Variants in DSTYK observed in about 807,000 individuals in gnomAD.
The protein encoded by DSTYK is RIP-homologous kinase.
In DSTYK, 34 loss-of-function variants were observed where a neutral mutation model predicts 98.7. The observed-to-expected ratio is 0.34, with a 90% CI of 0.26 to 0.46. DSTYK has a LOEUF of 0.46. Ranked by LOEUF, DSTYK falls within the 20% of genes least tolerant of loss-of-function variation. The pLI is 1.00. For synonymous variants in DSTYK, 462 were observed against 457.3 expected, an observed-to-expected ratio of 1.01 and a Z score of -0.13; for missense variants, 962 against 1,181.7, an observed-to-expected ratio of 0.81 and a Z score of 2.73.
chr1:205,163,223 T>TA (rs66506761), intron 4 of DSTYK, among the ~76,000 whole-genome samples: 42 of 101,482 alleles, frequency 4.1e-4, no homozygotes, highest in Non-Finnish European at 5.8e-4. Flanking sequence ...TTTTTTATTT[T>TA]TTTTTTTATT....
chr1:205,180,901 C>G (rs1030071860), intron 2 of DSTYK, among the ~76,000 whole-genome samples: 2 of 152,112 alleles, frequency 1.3e-5, no homozygotes, highest in African/African-American at 4.8e-5. Flanking sequence ...TGGTAAAGAG[C>G]AATGTATGCA....
intron 3 of DSTYK, 124 bp from the exon 4 acceptor site, chr1:205,164,079 A>AATCATGTCTTT: frequency 2.6e-6 from 2 of 781,488 alleles, no homozygotes; most frequent in Non-Finnish European, 4.2e-6. Context: ...AAAAGACATG[A>AATCATGTCTTT]TTCGTTGATG....
Position 205,169,197 on chromosome 1 carries a change from T to C in DSTYK, c.1290A>G (p.Glu430=). 1 of 1,609,264 alleles carries C rather than the reference T, an allele frequency of 6.2e-7. No homozygotes were observed. Among genetic ancestry groups the C allele is most frequent in the East Asian group, 2.2e-5 (1 of 44,872 alleles). The change falls in exon 3 of 13, where the codon GAA becomes GAG. Residue 430 remains glutamate (E), a synonymous_variant. Transcript: ENST00000367162. The surrounding 1 kb of genome is among the most constrained non-coding windows in gnomAD (Gnocchi z 4.0). ...IVETLNTMKE[E]LLDDATNMEF... ...CCATGTTAGTAGCATCATCCAGAAG[T>C]TCCTCCTTCATGGTATTAAGTGTCT...
intron 1 of DSTYK, among the ~76,000 whole-genome samples, chr1:205,208,539 C>T (rs1459246727): frequency 6.6e-6 from 1 of 152,144 alleles, no homozygotes; most frequent in Non-Finnish European, 1.5e-5. Flanking sequence ...AGTGTTCCTT[C>T]AACACCCAAG....
chr1:205,159,377 C>T (rs1320799609), intron 9 of DSTYK, among the ~76,000 whole-genome samples, 170 bp downstream of exon 9: 1 of 152,212 alleles, frequency 6.6e-6, no homozygotes, highest in Non-Finnish European at 1.5e-5. Flanking sequence ...GGGTGAGCCA[C>T]CATGCCCAGC....
Position 205,150,277 on chromosome 1 carries a change from A to G in DSTYK, c.2467+403T>C, listed in dbSNP as rs935116000. Among the ~76,000 whole-genome samples, 1 of 152,142 alleles carries G rather than the reference A, an allele frequency of 6.6e-6. No individual in the cohort carries two copies. The highest frequency in any genetic ancestry group is 6.5e-5 in the Admixed American group (1 of 15,274). On this transcript the variant is annotated intron_variant, in intron 11 of 12. Coordinates refer to ENST00000367162, the MANE Select transcript of DSTYK (RefSeq NM_015375.3). The surrounding 1 kb of genome is among the most constrained non-coding windows in gnomAD (Gnocchi z 4.1). ...CCAACAGTACATTATATAGCACTTA[A>G]TTTAGCACTTAATCATACGTTGTGT...
At chr1:205,172,004 G>A (rs1214699097) in intron 2 of DSTYK, among the ~76,000 whole-genome samples, 1 of 152,190 alleles carries the variant, frequency 6.6e-6, no homozygotes, top group African/African-American at 2.4e-5. Flanking sequence ...CACCCATGCT[G>A]GAGTGCAATG....
chr1:205,193,171 T>C (rs1658761353), intron 1 of DSTYK, among the ~76,000 whole-genome samples: 1 of 152,194 alleles, frequency 6.6e-6, no homozygotes, highest in Non-Finnish European at 1.5e-5. Flanking sequence ...AACAGTAGGC[T>C]CTTTTCAGAG....
At chr1:205,198,200 A>AAAAAG (rs990193406) in intron 1 of DSTYK, among the ~76,000 whole-genome samples, 1 of 149,128 alleles carries the variant, frequency 6.7e-6, no homozygotes, top group Non-Finnish European at 1.5e-5. Context: ...TCTCAAAAAA[A>AAAAAG]AAAGAAAGAA....
intron 2 of DSTYK, among the ~76,000 whole-genome samples, chr1:205,174,224 C>G (rs1205596839): frequency 2.6e-5 from 4 of 151,642 alleles, no homozygotes; most frequent in Non-Finnish European, 4.4e-5. Context: ...ATTAAAAATA[C>G]AAAAATTAGG....
At chr1:205,175,019 C>T (rs1430597056) in intron 2 of DSTYK, among the ~76,000 whole-genome samples, 1 of 151,290 alleles carries the variant, frequency 6.6e-6, no homozygotes, top group African/African-American at 2.4e-5. Flanking sequence ...TTACAGGCAC[C>T]AGCCACCGTG....
At chr1:205,162,559 AC>A (rs1158327430) in intron 5 of DSTYK, among the ~76,000 whole-genome samples, 4 of 152,262 alleles carry the variant, frequency 2.6e-5, no homozygotes, top group Admixed American at 2.6e-4. Flanking sequence ...GCCTCTGGCA[AC>A]AACAAAGCCT....
At chr1:205,153,640 T>C (rs1022902797) in intron 10 of DSTYK, among the ~76,000 whole-genome samples, 2 of 152,196 alleles carry the variant, frequency 1.3e-5, no homozygotes, top group East Asian at 1.9e-4. Context: ...ACTTTGATTA[T>C]GTAGAACAAT....
chr1:205,183,496 A>G (rs1269014088), intron 2 of DSTYK, among the ~76,000 whole-genome samples: 1 of 152,228 alleles, frequency 6.6e-6, no homozygotes, highest in African/African-American at 2.4e-5. Flanking sequence ...AAAATAACGT[A>G]TTAGAAGAAT....
chr1:205,187,013 TC>T (rs1658575532), intron 2 of DSTYK, among the ~76,000 whole-genome samples: 1 of 152,210 alleles, frequency 6.6e-6, no homozygotes, highest in Non-Finnish European at 1.5e-5. Context: ...ACAATACTCA[TC>T]CATCATCTAT....
At chr1:205,177,896 T>C (rs1394067766) in intron 2 of DSTYK, among the ~76,000 whole-genome samples, 1 of 151,928 alleles carries the variant, frequency 6.6e-6, no homozygotes, top group Non-Finnish European at 1.5e-5. Context: ...GAAAATACCT[T>C]GACTCTTTTT....
At chr1:205,200,528 C>T (rs1161808461) in intron 1 of DSTYK, among the ~76,000 whole-genome samples, 2 of 152,186 alleles carry the variant, frequency 1.3e-5, no homozygotes, top group Non-Finnish European at 2.9e-5. Context: ...ATATGCCCTA[C>T]ACTCCTACCC....
chr1:205,185,977 C>T (rs1006743947), intron 2 of DSTYK, among the ~76,000 whole-genome samples: 3 of 151,996 alleles, frequency 2.0e-5, no homozygotes, highest in Non-Finnish European at 2.9e-5. Flanking sequence ...GAACTGAGAT[C>T]GCACCATTGC....
At chr1:205,189,147 TAAAACAAAAA>T (rs912961347) in intron 1 of DSTYK, among the ~76,000 whole-genome samples, 17 of 111,246 alleles carry the variant, frequency 1.5e-4, no homozygotes, top group Middle Eastern at 5.0e-3. Context: ...AATAAAAATC[TAAAACAAAAA>T]AAAACAAAAA....
Sources: gnomAD v4.1 joint callset for allele counts (sites outside exome capture counted in the v4.1 genomes callset) on GRCh38, gnomAD v4.1.1 for gene constraint, Gnocchi (gnomAD v3.1) non-coding constraint, MANE v1.5 for transcripts, NCBI Gene and HGNC (gene_info 2026-07-23, HGNC 2026-07-21) for gene names.